Variants in SPTB observed in about 807,000 individuals in gnomAD.
SPTB encodes spectrin beta, erythrocytic.
In SPTB, 45 loss-of-function variants were observed where a neutral mutation model predicts 256.2. That is an observed-to-expected ratio of 0.18 (90% CI 0.14 to 0.23). The LOEUF (loss-of-function observed/expected upper bound fraction) is 0.23, where lower values mean the gene tolerates loss of function less well. SPTB is among the 10% of genes least tolerant of loss of function. The pLI, the probability that SPTB is intolerant of heterozygous loss-of-function variation, is 1.00. For synonymous variants in SPTB, 1,231 were observed against 1,243.1 expected, an observed-to-expected ratio of 0.99 and a Z score of 0.21; for missense variants, 2,715 against 3,040.4, an observed-to-expected ratio of 0.89 and a Z score of 2.52.
At chr14:64,766,587 G>A (rs1205629520) in intron 32 of SPTB, 139 bp downstream of exon 32, 2 of 1,600,316 alleles carry the variant, frequency 1.2e-6, no homozygotes, top group African/African-American at 2.7e-5. Flanking sequence ...GCTGGGAGGT[G>A]GCTGCAGGGA....
chr14:64,869,504 G>A (rs1882395143), intron 1 of SPTB, among the ~76,000 whole-genome samples: 1 of 151,978 alleles, frequency 6.6e-6, no homozygotes, highest in African/African-American at 2.4e-5. Context: ...GAGTTCAGTG[G>A]CATGATCGTA....
Position 64,806,210 on chromosome 14 carries a change from A to T in SPTB, c.149-1120T>A, listed in dbSNP as rs955135813. 6.6e-6 allele frequency among the ~76,000 whole-genome samples: 1 copy of T among 152,322 alleles called. No homozygotes were observed. Among genetic ancestry groups the T allele is most frequent in the African/African-American group, 2.4e-5 (1 of 41,562 alleles). On this transcript the variant is annotated intron_variant, in intron 2 of 35. Transcript: ENST00000644917. This position sits in a 1 kb window ranked among gnomAD's most constrained non-coding sequence, Gnocchi z 4.1. ...TAGCAGAAAAGAAGAAAAACAAATA[A>T]GATAGAATTGAAGGTGAGAAGAGAG...
intron 1 of SPTB, among the ~76,000 whole-genome samples, chr14:64,830,367 ATTATTATTAT>A (rs1388867147): frequency 0.013 from 1,304 of 100,924 alleles, 8 homozygotes; most frequent in African/African-American, 0.051. Flanking sequence ...TATTATTATT[ATTATTATTAT>A]TATTTTATTT....
rs952760565 is a variant in SPTB at position 64,759,354 on chromosome 14, A to G, written c.6346-5561T>C. 1.3e-5 allele frequency among the ~76,000 whole-genome samples: 2 copies of G among 152,192 alleles called. No homozygotes were observed. Among genetic ancestry groups the G allele is most frequent in the African/African-American group, 4.8e-5 (2 of 41,450 alleles). On this transcript the variant is annotated intron_variant, in intron 32 of 35. Coordinates refer to ENST00000644917, the MANE Select transcript of SPTB (RefSeq NM_001355436.2). This position sits in a 1 kb window ranked among gnomAD's most constrained non-coding sequence, Gnocchi z 4.8. ...TGTTGGATCAGTCCTGCCTCTTTCT[A>G]GGCCAGATCCATCAAGGACCTCCCA... is the stretch of plus-strand genomic sequence containing the variant.
rs1401976749 is a variant in SPTB at position 64,792,619 on chromosome 14, C to A, written c.2666+378G>T. On this transcript the variant is annotated intron_variant, in intron 14 of 35. Coordinates refer to ENST00000644917, the MANE Select transcript of SPTB (RefSeq NM_001355436.2). The surrounding 1 kb of genome is among the most constrained non-coding windows in gnomAD (Gnocchi z 4.2). ...TCAGAGTCTCCTGGCTTAAGGACTG[C>A]CACAGAAAGCTAGAGCTGGCAGGGT... Among the ~76,000 whole-genome samples, 1 of 152,138 alleles carries A rather than the reference C, an allele frequency of 6.6e-6. No individual in the cohort carries two copies. Among genetic ancestry groups the A allele is most frequent in the Non-Finnish European group, 1.5e-5 (1 of 68,016 alleles).
rs1478587167 is a variant in SPTB at position 64,749,104 on chromosome 14, G to T, written c.*202C>A. On this transcript the variant is annotated 3_prime_UTR_variant, in exon 36 of 36. Coordinates refer to ENST00000644917, the MANE Select transcript of SPTB (RefSeq NM_001355436.2). The surrounding 1 kb of genome is among the most constrained non-coding windows in gnomAD (Gnocchi z 4.7). ...AGCCCCTGTCCCTGGAGCGGAGCCAGCGCGGGCGAGGGCATGGAGGGGGCG... is the reference window on the plus strand; with the variant it reads ...AGCCCCTGTCCCTGGAGCGGAGCCATCGCGGGCGAGGGCATGGAGGGGGCG... 2 of 541,542 alleles carry T rather than the reference G, an allele frequency of 3.7e-6. No individual in the cohort carries two copies. The highest frequency in any genetic ancestry group is 6.3e-6 in the Non-Finnish European group (2 of 318,870). The allele number at this position is 541,542 out of a possible 1,614,324, so 33.5% of individuals were successfully genotyped here.
chr14:64,763,771 A>G (rs149663523), intron 32 of SPTB: 2 of 519,052 alleles, frequency 3.9e-6, no homozygotes, highest in Admixed American at 3.9e-5. Flanking sequence ...GTATGAACGG[A>G]TTGGCCTTTA....
chr14:64,863,786 T>C (rs893836238), intron 1 of SPTB, among the ~76,000 whole-genome samples: 18 of 152,250 alleles, frequency 1.2e-4, no homozygotes, highest in Admixed American at 1.0e-3. Context: ...ACAGTGAGAA[T>C]AGCATCGGCT....
rs746414660 is a variant in SPTB at position 64,784,252 on chromosome 14, C to G, written c.3997G>C (p.Asp1333His). The stretch of plus-strand genomic sequence containing the variant: ...CGCCCAATCACTTTACTTACCGCAT[C>G]GATGTTCTCTAGCCACCCTTCATGG... ...ASHEGWLENI[D>H]AEGKQLMDEK... The change falls in exon 19 of 36, where the codon GAT becomes CAT. Residue 1333 changes from aspartate to histidine, a missense_variant. Asp to His is a moderately conservative substitution (Grantham distance 81, BLOSUM62 -1). Around this residue, in one of 4 missense-constraint regions of SPTB, gnomAD observed 2,239 missense variants for 2,384.4 expected, o/e 0.94. Transcript: ENST00000644917. The G allele has an allele frequency of 6.8e-6, 11 of 1,614,208 alleles. No individual in the cohort carries two copies. The highest frequency in any genetic ancestry group is 1.1e-5 in the South Asian group (1 of 91,084).
intron 1 of SPTB, among the ~76,000 whole-genome samples, chr14:64,833,369 G>C (rs1359671452): frequency 6.6e-6 from 1 of 152,082 alleles, no homozygotes; most frequent in Admixed American, 6.5e-5. Context: ...TGGCCAACAT[G>C]GTGAAACAGA....
At position 64,750,165 on chromosome 14, in the gene SPTB, G is replaced by A. The variant is rs1566730491; in HGVS notation, c.6603-11C>T. 5 of 1,608,752 alleles carry A rather than the reference G, an allele frequency of 3.1e-6. No individual in the cohort carries two copies. In the African/African-American group the frequency reaches 5.3e-5, roughly 17 times the overall value. Reference sequence around the variant, plus strand: ...AGGTTGTTCCAGGACCTGCAAAGATGCAGACAGGCAGGTCACCCACATCCT... The same window carrying A: ...AGGTTGTTCCAGGACCTGCAAAGATACAGACAGGCAGGTCACCCACATCCT... On this transcript the variant is annotated splice_polypyrimidine_tract_variant and intron_variant, in intron 33 of 35. Transcript: ENST00000644917.
In SPTB at chr14:64,797,833, C is replaced by A; in HGVS notation, c.1078G>T (p.Gly360Trp). Residue 360 changes from glycine (G) to tryptophan (W), a missense_variant, in exon 10 of 36, where the codon GGG becomes TGG. By Grantham distance (184) the Gly-to-Trp change is radical. Transcript: ENST00000644917. ...GTAAAAAGTAGAACTTCCAGATTCC[C>A]CTTCTCTTGAAACCTGTCAAGAAAA... is the stretch of plus-strand genomic sequence containing the variant. ...VEKPPKFQEK[G>W]NLEVLLFTIQ... 6.2e-7 allele frequency: 1 copy of A among 1,613,840 alleles called. No homozygotes were observed. Among genetic ancestry groups the A allele is most frequent in the Non-Finnish European group, 8.5e-7 (1 of 1,179,740 alleles).
rs751369906 is a variant in SPTB at position 64,792,966 on chromosome 14, G to C, written c.2666+31C>G. ...AGATGGTGCCCAGGCCTGGGTACAG[G>C]GACGTGAGGAAAAGATGAGTTAACT... is the stretch of plus-strand genomic sequence containing the variant. On this transcript the variant is annotated intron_variant, in intron 14 of 35. Transcript: ENST00000644917. The surrounding 1 kb of genome is among the most constrained non-coding windows in gnomAD (Gnocchi z 4.2). The C allele has an allele frequency of 6.2e-7, 1 of 1,613,598 alleles. No homozygotes were observed. Among genetic ancestry groups the C allele is most frequent in the Non-Finnish European group, 8.5e-7 (1 of 1,180,006 alleles).
intron 32 of SPTB, among the ~76,000 whole-genome samples, chr14:64,765,681 A>G (rs550851680): frequency 2.9e-4 from 44 of 152,346 alleles, no homozygotes; most frequent in Non-Finnish European, 5.3e-4. Flanking sequence ...CTCAGGCCAG[A>G]TCGGTGGAAA....
Position 64,852,463 on chromosome 14 carries a change from TG to T in SPTB, c.-52+27328del, listed in dbSNP as rs1233352882. ...GGCTTGCCTTCTAGAAAGATCCCTT[TG>T]GCAGGCATATGGAGTGATGGATTCA... On this transcript the variant is annotated intron_variant, in intron 1 of 35. Coordinates refer to ENST00000644917, the MANE Select transcript of SPTB (RefSeq NM_001355436.2). The surrounding 1 kb of genome is among the most constrained non-coding windows in gnomAD (Gnocchi z 4.2). Among the ~76,000 whole-genome samples the T allele has an allele frequency of 6.6e-6, 1 of 152,156 alleles. No individual in the cohort carries two copies. Among genetic ancestry groups the T allele is most frequent in the East Asian group, 1.9e-4 (1 of 5,200 alleles).
chr14:64,774,870 T>C (rs1444210116), intron 23 of SPTB, among the ~76,000 whole-genome samples: 2 of 150,734 alleles, frequency 1.3e-5, no homozygotes, highest in African/African-American at 2.4e-5. Context: ...GAATCCAGGG[T>C]AAAGAAAAGT....
chr14:64,868,211 C>T (rs1043108184), intron 1 of SPTB, among the ~76,000 whole-genome samples: 12 of 151,794 alleles, frequency 7.9e-5, no homozygotes, highest in African/African-American at 2.9e-4. Context: ...GGCCTAAAGG[C>T]CAATTATTAT....
At chr14:64,851,860 T>C (rs1400940741) in intron 1 of SPTB, among the ~76,000 whole-genome samples, 16 of 150,846 alleles carry the variant, frequency 1.1e-4, no homozygotes, top group Admixed American at 9.3e-4. Context: ...CTAGGGCCTG[T>C]TGTGGGGGGT....
At chr14:64,858,050 T>C (rs2083900408) in intron 1 of SPTB, among the ~76,000 whole-genome samples, 1 of 152,154 alleles carries the variant, frequency 6.6e-6, no homozygotes, top group Admixed American at 6.5e-5. Flanking sequence ...AGGAGGAAAA[T>C]GAAGATCAGA....
Sources: gnomAD v4.1 joint callset for allele counts (sites outside exome capture counted in the v4.1 genomes callset) on GRCh38, gnomAD v4.1.1 for gene constraint, gnomAD v4.1.1 regional missense constraint, Gnocchi (gnomAD v3.1) non-coding constraint, MANE v1.5 for transcripts, NCBI Gene and HGNC (gene_info 2026-07-23, HGNC 2026-07-21) for gene names.